MYO9B: variants seen among roughly 807,000 people sequenced by gnomAD.
MYO9B encodes the protein unconventional myosin-IXb.
A neutral mutation model predicts 229.5 loss-of-function variants in MYO9B; 71 were observed. The observed-to-expected ratio is 0.31, with a 90% confidence interval of 0.26 to 0.38. The LOEUF (loss-of-function observed/expected upper bound fraction) is 0.38, where lower values mean the gene tolerates loss of function less well. Ranked by LOEUF, MYO9B falls within the 10% of genes least tolerant of loss-of-function variation. MYO9B has a pLI of 1.00. For missense variants in MYO9B, 2,255 were observed against 2,920.5 expected (o/e 0.77, Z 5.25); for synonymous variants, 1,185 against 1,235.8 (o/e 0.96, Z 0.86).
At position 17,200,340 on chromosome 19, in the gene MYO9B, A is replaced by G. The variant is rs1483750209; in HGVS notation, c.4286A>G (p.Tyr1429Cys). 2 of 1,613,188 alleles carry G rather than the reference A, an allele frequency of 1.2e-6. No homozygotes were observed. Among genetic ancestry groups the G allele is most frequent in the South Asian group, 2.2e-5 (2 of 90,960 alleles). The change falls in exon 25 of 40, where the codon TAC becomes TGC. Residue 1429 changes from tyrosine (Y) to cysteine (C), a missense_variant. Physicochemically the swap from Tyr to Cys is radical, Grantham distance 194. Coordinates refer to ENST00000682292, the MANE Select transcript of MYO9B (RefSeq NM_004145.4). Reference sequence around the variant, plus strand: ...CTGCATAAAACCAAGGATAAAAAATACAGCCTGGAGGGCGCAGAGGAGCTG... The same window carrying G: ...CTGCATAAAACCAAGGATAAAAAATGCAGCCTGGAGGGCGCAGAGGAGCTG... ...LFLHKTKDKK[Y>C]SLEGAEELEN...
intron 14 of MYO9B, among the ~76,000 whole-genome samples, chr19:17,176,820 A>G (rs968802971): frequency 2.0e-5 from 3 of 152,186 alleles, no homozygotes; most frequent in Non-Finnish European, 2.9e-5. Context: ...GATATTGCAC[A>G]TGAGATGACA....
chr19:17,154,571 G>T (rs1309642203), intron 6 of MYO9B, among the ~76,000 whole-genome samples, 156 bp downstream of exon 6: 2 of 152,160 alleles, frequency 1.3e-5, no homozygotes, highest in Admixed American at 6.6e-5. Flanking sequence ...CAATAGCAGC[G>T]ATCACATGAG....
rs148212576 is a variant in MYO9B, at chr19:17,085,276, G to A, written c.-59+9402G>A. Among the ~76,000 whole-genome samples the A allele has an allele frequency of 1.7e-3, 265 of 152,298 alleles. 1 individual carries two copies. The highest frequency in any genetic ancestry group is 0.014 in the Middle Eastern group (4 of 294). ...TTTGTAGAAACCAGGCAGAGGGTGG[G>A]TTTCATGGCCAGGAGGAGGAGCATC... is the stretch of plus-strand genomic sequence containing the variant. On this transcript the variant is annotated intron_variant, in intron 1 of 39. Transcript: ENST00000682292.
chr19:17,197,445 T>TAGATAGATAGATAGATAGATAGAC (rs1156939570), intron 22 of MYO9B, among the ~76,000 whole-genome samples: 3 of 151,062 alleles, frequency 2.0e-5, no homozygotes, highest in Admixed American at 6.6e-5. Flanking sequence ...GATAGATAGA[T>TAGATAGATAGATAGATAGATAGAC]AGATACATAG....
Position 17,191,198 on chromosome 19 carries a change from C to T in MYO9B, c.2790C>T (p.Asn930=), listed in dbSNP as rs1479197995. Residue 930 remains asparagine, a synonymous_variant, in exon 20 of 40, where the codon AAC becomes AAT. Coordinates refer to ENST00000682292, the MANE Select transcript of MYO9B (RefSeq NM_004145.4). ...LLEKMKIDKR[N]YQIGKTKVFL... ...AGAAAATGAAGATAGACAAGAGGAACTACCAGATCGGGAAGACCAAGGTCA... is the reference window on the plus strand; with the variant it reads ...AGAAAATGAAGATAGACAAGAGGAATTACCAGATCGGGAAGACCAAGGTCA... 1 of 1,612,064 alleles carries T rather than the reference C, an allele frequency of 6.2e-7. No homozygotes were observed. Among genetic ancestry groups the T allele is most frequent in the Admixed American group, 1.7e-5 (1 of 59,714 alleles).
intron 2 of MYO9B, among the ~76,000 whole-genome samples, chr19:17,132,346 C>T (rs369024886): frequency 1.3e-5 from 2 of 149,844 alleles, no homozygotes; most frequent in Admixed American, 1.3e-4. Flanking sequence ...CCACCACGCC[C>T]GGCTAATTTT....
At chr19:17,182,402 A>G (rs1362386270) in intron 15 of MYO9B, among the ~76,000 whole-genome samples, 1 of 149,962 alleles carries the variant, frequency 6.7e-6, no homozygotes, top group East Asian at 1.9e-4. Flanking sequence ...CCTGTTTAAA[A>G]CTTCTGTTCC....
At chr19:17,116,481 G>C (rs2057904938) in intron 2 of MYO9B, among the ~76,000 whole-genome samples, 1 of 152,200 alleles carries the variant, frequency 6.6e-6, no homozygotes, top group African/African-American at 2.4e-5. Context: ...CCTCTTTTAA[G>C]GGAGAGTGAA....
chr19:17,191,279 G>T (rs1000249030), intron 20 of MYO9B, 60 bp downstream of exon 20: 3 of 1,549,918 alleles, frequency 1.9e-6, no homozygotes, highest in Non-Finnish European at 2.6e-6. Flanking sequence ...ACCGCACACC[G>T]TGTCTCCCCA....
At chr19:17,133,088 C>T (rs139126668) in intron 2 of MYO9B, among the ~76,000 whole-genome samples, 154 of 152,138 alleles carry the variant, frequency 1.0e-3, no homozygotes, top group Non-Finnish European at 1.5e-3. Flanking sequence ...CCTTGTGATC[C>T]GCCTGTCTCA....
At chr19:17,186,049 T>G in intron 18 of MYO9B, 48 bp downstream of exon 18, 2 of 1,554,718 alleles carry the variant, frequency 1.3e-6, no homozygotes, top group Non-Finnish European at 1.8e-6. Flanking sequence ...TGCCGGACTC[T>G]TAGGGGTGTC....
At chr19:17,182,406 C>T (rs2072871662) in intron 15 of MYO9B, among the ~76,000 whole-genome samples, 1 of 151,824 alleles carries the variant, frequency 6.6e-6, no homozygotes, top group African/African-American at 2.4e-5. Context: ...TTTAAAACTT[C>T]TGTTCCTTTT....
chr19:17,210,976 A>AAT, intron 38 of MYO9B, 128 bp downstream of exon 38: 98 of 565,436 alleles, frequency 1.7e-4, no homozygotes, highest in Non-Finnish European at 2.0e-4. Context: ...GGCAAACAAC[A>AAT]CTTTTTTTTT....
At chr19:17,114,106 T>A (rs1222978269) in intron 2 of MYO9B, among the ~76,000 whole-genome samples, 2 of 152,208 alleles carry the variant, frequency 1.3e-5, no homozygotes, top group African/African-American at 4.8e-5. Flanking sequence ...CGTCTCCAGA[T>A]GTTGACAGGT....
chr19:17,205,794 C>A (rs2073153352), intron 31 of MYO9B, among the ~76,000 whole-genome samples, 166 bp from the exon 32 acceptor site: 1 of 152,166 alleles, frequency 6.6e-6, no homozygotes, highest in South Asian at 2.1e-4. Flanking sequence ...GCCTTGACTT[C>A]TGCAGCCCCA....
intron 10 of MYO9B, 79 bp from the exon 11 acceptor site, chr19:17,167,864 A>G: frequency 6.6e-7 from 1 of 1,503,866 alleles, no homozygotes; most frequent in Admixed American, 2.1e-5. Flanking sequence ...GGGATACTCG[A>G]CCTGTATGCA....
chr19:17,208,304 A>T, intron 35 of MYO9B, among the ~76,000 whole-genome samples: 1 of 131,342 alleles, frequency 7.6e-6, no homozygotes, highest in East Asian at 2.4e-4. Context: ...ACGCCACTGC[A>T]CTCCAGCCTG....
At chr19:17,153,888 C>T in intron 4 of MYO9B, 79 bp from the exon 5 acceptor site, 1 of 1,020,604 alleles carries the variant, frequency 9.8e-7, no homozygotes, top group Non-Finnish European at 1.6e-6. Flanking sequence ...CTCTCCAAAG[C>T]CATGTTAGTA....
At chr19:17,173,127 GACCTGCGTGTGTAATTTA>G (rs952851504) in intron 13 of MYO9B, among the ~76,000 whole-genome samples, 164 bp downstream of exon 13, 75 of 152,022 alleles carry the variant, frequency 4.9e-4, no homozygotes, top group African/African-American at 1.7e-3. Flanking sequence ...ACAGAAACTC[GACCTGCGTGTGTAATTTA>G]ACCTCAGGGC....
Sources: allele counts gnomAD v4.1 joint callset (sites outside exome capture counted in the v4.1 genomes callset), GRCh38; gene constraint gnomAD v4.1.1; transcripts MANE v1.5; gene names NCBI Gene and HGNC (gene_info 2026-07-23, HGNC 2026-07-21).